Variants in EIF3H observed in about 807,000 individuals in gnomAD.
EIF3H encodes eukaryotic translation initiation factor 3 subunit H.
A neutral mutation model predicts 44.2 loss-of-function variants in EIF3H; 26 were observed. That is an observed-to-expected ratio of 0.59 (90% confidence interval 0.43 to 0.82). The LOEUF is 0.82. Among genes scored for constraint, EIF3H ranks in the 40% least tolerant of loss-of-function variants. The pLI, the probability that EIF3H is intolerant of heterozygous loss-of-function variation, is 0.00. For synonymous variants in EIF3H, 166 were observed against 151.9 expected, an observed-to-expected ratio of 1.09 and a Z score of -0.68; for missense variants, 359 against 432.8, an observed-to-expected ratio of 0.83 and a Z score of 1.51.
intron 1 of EIF3H, among the ~76,000 whole-genome samples, chr8:116,749,770 A>C (rs1815296516): frequency 2.0e-5 from 1 of 51,032 alleles, no homozygotes; most frequent in Non-Finnish European, 4.5e-5. Flanking sequence ...AGGTAGGCTT[A>C]TAACTTTGCT....
chr8:116,718,888 T>C (rs1814697093), intron 2 of EIF3H, among the ~76,000 whole-genome samples: 1 of 151,372 alleles, frequency 6.6e-6, no homozygotes, highest in Non-Finnish European at 1.5e-5. Flanking sequence ...ATAAAATATA[T>C]ATATATTAAA....
upstream of EIF3H, among the ~76,000 whole-genome samples, chr8:116,758,373 G>A (rs920070708): frequency 6.6e-6 from 1 of 152,136 alleles, no homozygotes; most frequent in African/African-American, 2.4e-5. Flanking sequence ...AAATCTCATA[G>A]AGCTGAAAGG....
intron 1 of EIF3H, among the ~76,000 whole-genome samples, chr8:116,749,635 TTTTG>T (rs555122495): frequency 1.6e-4 from 25 of 152,284 alleles, no homozygotes; most frequent in African/African-American, 6.0e-4. Context: ...CTTTCTTTAT[TTTTG>T]TTTTTTTTCT....
chr8:116,747,378 TAA>T (rs1815255649), intron 1 of EIF3H, among the ~76,000 whole-genome samples: 1 of 152,220 alleles, frequency 6.6e-6, no homozygotes, highest in Admixed American at 6.5e-5. Context: ...TTCTTAATGA[TAA>T]TACTATGCCA....
chr8:116,679,220 G>A (rs1421072509), intron 2 of EIF3H, among the ~76,000 whole-genome samples: 823 of 57,078 alleles, frequency 0.014, 2 homozygotes, highest in Admixed American at 0.057. Flanking sequence ...GGTGAGGGGC[G>A]CCTCTGCCCG....
intron 1 of EIF3H, among the ~76,000 whole-genome samples, chr8:116,735,095 A>G (rs1198061098): frequency 6.6e-6 from 1 of 152,206 alleles, no homozygotes; most frequent in African/African-American, 2.4e-5. Context: ...TGCAACTCCA[A>G]TAAAGTTCAG....
chr8:116,672,094 G>A lies in EIF3H; in HGVS notation c.290-13114C>T, dbSNP rs933651676. Among the ~76,000 whole-genome samples, 7 of 152,340 alleles carry A rather than the reference G, an allele frequency of 4.6e-5. No individual in the cohort carries two copies. The East Asian group carries it at 1.3e-3, about 29-fold the overall frequency. On this transcript the variant is annotated intron_variant, in intron 2 of 7. Transcript: ENST00000521861. ...GGAGGCAAAATAGTAAAACAGCAAT[G>A]AGTATCCTTGTTAGATAGAGAAAGC...
intron 2 of EIF3H, chr8:116,697,284 T>C (rs1814285629): frequency 2.3e-6 from 1 of 434,952 alleles, no homozygotes. Context: ...TTTTAGGGGT[T>C]TTCTTAAAGT....
intron 1 of EIF3H, among the ~76,000 whole-genome samples, chr8:116,754,740 T>G (rs1815412273): frequency 6.6e-6 from 1 of 152,268 alleles, no homozygotes; most frequent in Non-Finnish European, 1.5e-5. Flanking sequence ...GCTACACTCT[T>G]GTATCCAGTT....
chr8:116,648,070 G>A (rs1813334385), intron 6 of EIF3H, among the ~76,000 whole-genome samples: 2 of 152,138 alleles, frequency 1.3e-5, no homozygotes, highest in Admixed American at 1.3e-4. Flanking sequence ...CCACTCAGTT[G>A]TGCTTAGAAT....
intron 2 of EIF3H, among the ~76,000 whole-genome samples, chr8:116,659,501 T>C (rs999451423): frequency 6.6e-6 from 1 of 152,192 alleles, no homozygotes; most frequent in African/African-American, 2.4e-5. Flanking sequence ...CTGTAGCTGA[T>C]TCAAAATGTA....
intron 2 of EIF3H, among the ~76,000 whole-genome samples, chr8:116,688,063 C>T (rs1024463533): frequency 1.3e-4 from 20 of 152,074 alleles, no homozygotes; most frequent in Non-Finnish European, 2.9e-5. Context: ...TCATAATTTC[C>T]TTCACTTATG....
At chr8:116,718,396 T>C (rs1355549213) in intron 2 of EIF3H, among the ~76,000 whole-genome samples, 2 of 152,180 alleles carry the variant, frequency 1.3e-5, no homozygotes, top group African/African-American at 2.4e-5. Context: ...GAAGTCACTA[T>C]ACAACAAAGA....
Position 116,644,986 on chromosome 8 carries a change from T to C in EIF3H, c.*20A>G, listed in dbSNP as rs1283421050. 1.9e-6 allele frequency: 3 copies of C among 1,599,356 alleles called. No individual in the cohort carries two copies. In the Admixed American group the frequency reaches 5.0e-5, roughly 27 times the overall value. ...ACTTCAAGAGTTCATGTTAACTTCT[T>C]TTCTGGAAACTTCCTTTTCTTAGTT... On this transcript the variant is annotated 3_prime_UTR_variant, in exon 8 of 8. Coordinates refer to ENST00000521861, the MANE Select transcript of EIF3H (RefSeq NM_003756.3).
At chr8:116,679,019 C>G (rs1222676335) in intron 2 of EIF3H, among the ~76,000 whole-genome samples, 11 of 72,272 alleles carry the variant, frequency 1.5e-4, no homozygotes, top group African/African-American at 4.2e-4. Flanking sequence ...CCCGGCCAGC[C>G]GCCCAGTCCG....
At chr8:116,721,012 T>G (rs1276824403) in intron 2 of EIF3H, among the ~76,000 whole-genome samples, 1 of 152,044 alleles carries the variant, frequency 6.6e-6, no homozygotes, top group Non-Finnish European at 1.5e-5. Context: ...AGCAGAAATT[T>G]GCATAATGAG....
chr8:116,723,028 T>C (rs897588451), intron 2 of EIF3H, among the ~76,000 whole-genome samples: 4 of 152,332 alleles, frequency 2.6e-5, no homozygotes, highest in African/African-American at 9.6e-5. Flanking sequence ...GAATTAGTAA[T>C]ATATTTTGTT....
At chr8:116,653,181 C>G (rs1813425397) in intron 5 of EIF3H, among the ~76,000 whole-genome samples, 2 of 152,154 alleles carry the variant, frequency 1.3e-5, no homozygotes, top group South Asian at 4.2e-4. Flanking sequence ...CTAAAACAGA[C>G]CCACTGTTTC....
At chr8:116,693,417 G>GT (rs2130865494) in intron 2 of EIF3H, among the ~76,000 whole-genome samples, 1 of 152,256 alleles carries the variant, frequency 6.6e-6, no homozygotes, top group South Asian at 2.1e-4. Context: ...CACCTACGTG[G>GT]TAACAAATAG....
Sources: gnomAD v4.1 joint callset for allele counts (sites outside exome capture counted in the v4.1 genomes callset) on GRCh38, gnomAD v4.1.1 for gene constraint, MANE v1.5 for transcripts, NCBI Gene and HGNC (gene_info 2026-07-23, HGNC 2026-07-21) for gene names.